TRABD2B: variants seen among roughly 807,000 people sequenced by gnomAD.
TRABD2B encodes the protein metalloprotease TIKI2.
A neutral mutation model predicts 40.1 loss-of-function variants in TRABD2B; 14 were observed. That is an observed-to-expected ratio of 0.35 (90% CI 0.23 to 0.55). TRABD2B has a LOEUF of 0.55. TRABD2B is among the 20% of genes least tolerant of loss of function. The pLI is 0.90. For missense variants in TRABD2B, 541 were observed against 648.6 expected, an observed-to-expected ratio of 0.83 and a Z score of 1.80; for synonymous variants, 263 against 277.0, an observed-to-expected ratio of 0.95 and a Z score of 0.50.
At chr1:47,980,625 C>T (rs763846293) in intron 2 of TRABD2B, among the ~76,000 whole-genome samples, 3 of 152,198 alleles carry the variant, frequency 2.0e-5, no homozygotes, top group Non-Finnish European at 2.9e-5. Context: ...CCTTTCCCTG[C>T]CCTACACTAG....
intron 2 of TRABD2B, among the ~76,000 whole-genome samples, chr1:47,851,619 T>C (rs1645550413): frequency 6.6e-6 from 1 of 152,216 alleles, no homozygotes; most frequent in Admixed American, 6.5e-5. Context: ...TCCAAGTCCT[T>C]CTCTGTCATT....
chr1:47,878,875 T>C (rs921446330), intron 2 of TRABD2B, among the ~76,000 whole-genome samples: 2 of 152,154 alleles, frequency 1.3e-5, no homozygotes, highest in African/African-American at 2.4e-5. Flanking sequence ...GGTAGGAGAA[T>C]TGCTTGAGTT....
At chr1:47,873,442 T>A (rs1644173333) in intron 2 of TRABD2B, among the ~76,000 whole-genome samples, 1 of 152,292 alleles carries the variant, frequency 6.6e-6, no homozygotes, top group South Asian at 2.1e-4. Flanking sequence ...TCTGGCTCAC[T>A]GTCTAAAGAG....
intron 3 of TRABD2B, among the ~76,000 whole-genome samples, chr1:47,797,037 G>A (rs1320935803): frequency 6.6e-6 from 1 of 152,196 alleles, no homozygotes; most frequent in East Asian, 1.9e-4. Flanking sequence ...AGTGAGCTGA[G>A]GGGCCTTAGA....
At chr1:47,823,434 C>T (rs985236529) in intron 2 of TRABD2B, among the ~76,000 whole-genome samples, 4 of 152,262 alleles carry the variant, frequency 2.6e-5, no homozygotes, top group Non-Finnish European at 1.5e-5. Flanking sequence ...AGGCAAGCCC[C>T]TCCGGCCCCA....
intron 2 of TRABD2B, among the ~76,000 whole-genome samples, chr1:47,881,692 C>T (rs80154939): frequency 0.011 from 1,654 of 152,258 alleles, 27 homozygotes; most frequent in African/African-American, 0.037. Context: ...TGACTGTGTT[C>T]TCATGGGCTC....
Position 47,777,123 on chromosome 1 carries a change from G to A in TRABD2B, c.1079+1331C>T, listed in dbSNP as rs562734126. On this transcript the variant is annotated intron_variant, in intron 5 of 6. Coordinates refer to ENST00000606738, the MANE Select transcript of TRABD2B (RefSeq NM_001194986.2). ...GGGCTCTGAGATGAATAGGAGGCTC[G>A]CTAGCCTCACTGGCCTGCCTGCCTC... Among the ~76,000 whole-genome samples, 7 of 152,250 alleles carry A rather than the reference G, an allele frequency of 4.6e-5. No individual in the cohort carries two copies. In the East Asian group the frequency reaches 1.2e-3, roughly 25 times the overall value.
chr1:47,847,175 C>T (rs372076730), intron 2 of TRABD2B, among the ~76,000 whole-genome samples: 16 of 152,232 alleles, frequency 1.1e-4, no homozygotes, highest in Admixed American at 8.5e-4. Context: ...CTGGGCCTGC[C>T]GCCAAGGTCT....
intron 2 of TRABD2B, among the ~76,000 whole-genome samples, chr1:47,956,245 C>T (rs1645419892): frequency 6.6e-6 from 1 of 152,108 alleles, no homozygotes; most frequent in South Asian, 2.1e-4. Context: ...ATGGAGGTTC[C>T]AAGATGGCCA....
intron 2 of TRABD2B, among the ~76,000 whole-genome samples, chr1:47,864,321 G>A (rs145385583): frequency 1.3e-3 from 193 of 152,142 alleles, no homozygotes; most frequent in African/African-American, 4.3e-3. Flanking sequence ...TGGTGGACAC[G>A]TGTCAATGAA....
intron 1 of TRABD2B, among the ~76,000 whole-genome samples, chr1:47,995,427 T>C (rs1646074758): frequency 6.6e-6 from 1 of 152,100 alleles, no homozygotes; most frequent in Non-Finnish European, 1.5e-5. Flanking sequence ...CCCCTAAAAA[T>C]GTATACCTGA....
At chr1:47,817,205 T>A (rs1013347459) in intron 2 of TRABD2B, among the ~76,000 whole-genome samples, 2 of 151,170 alleles carry the variant, frequency 1.3e-5, no homozygotes, top group African/African-American at 2.4e-5. Context: ...ATGTTTTCCA[T>A]CCCCCCCAAC....
At chr1:47,808,168 A>G (rs1042275943) in intron 2 of TRABD2B, among the ~76,000 whole-genome samples, 1 of 152,234 alleles carries the variant, frequency 6.6e-6, no homozygotes, top group African/African-American at 2.4e-5. Context: ...CTGTCAAAGA[A>G]CAAGGAATTC....
intron 4 of TRABD2B, 62 bp from the exon 5 acceptor site, chr1:47,778,606 C>G: frequency 8.1e-7 from 1 of 1,242,038 alleles, no homozygotes; most frequent in Non-Finnish European, 1.1e-6. Flanking sequence ...CAGGGGACTG[C>G]CCCAGGCCAT....
At chr1:47,863,335 T>C (rs1644002126) in intron 2 of TRABD2B, among the ~76,000 whole-genome samples, 2 of 128,760 alleles carry the variant, frequency 1.6e-5, no homozygotes, top group South Asian at 2.3e-4. Context: ...TATATATATA[T>C]AGGATAACTG....
At chr1:47,992,792 G>A (rs375299035) in intron 2 of TRABD2B, among the ~76,000 whole-genome samples, 5 of 152,182 alleles carry the variant, frequency 3.3e-5, no homozygotes, top group Admixed American at 6.5e-5. Flanking sequence ...CCTGCAGGGC[G>A]TGACTAACTG....
intron 4 of TRABD2B, among the ~76,000 whole-genome samples, chr1:47,788,893 A>C (rs970766072): frequency 2.0e-5 from 3 of 152,084 alleles, no homozygotes; most frequent in Non-Finnish European, 2.9e-5. Context: ...TAATTCCTAC[A>C]TTACTCATTC....
At chr1:47,832,431 T>C (rs1645263284) in intron 2 of TRABD2B, among the ~76,000 whole-genome samples, 1 of 152,072 alleles carries the variant, frequency 6.6e-6, no homozygotes, top group Non-Finnish European at 1.5e-5. Context: ...AACTGCAGAA[T>C]AGGGATAACA....
chr1:47,969,325 A>G (rs1645647897), intron 2 of TRABD2B, among the ~76,000 whole-genome samples: 1 of 152,188 alleles, frequency 6.6e-6, no homozygotes. Flanking sequence ...CAGGCTTTTA[A>G]AAAGCTGGCA....
Sources: gnomAD v4.1 joint callset for allele counts (sites outside exome capture counted in the v4.1 genomes callset) on GRCh38, gnomAD v4.1.1 for gene constraint, MANE v1.5 for transcripts, NCBI Gene and HGNC (gene_info 2026-07-23, HGNC 2026-07-21) for gene names.